Variants in DLGAP3 observed in about 807,000 individuals in gnomAD.
DLGAP3 encodes disks large-associated protein 3.
Under a neutral mutation model 81.2 loss-of-function variants are expected in DLGAP3, and 17 were observed. The ratio of observed to expected loss-of-function variants is 0.21; its 90% CI spans 0.14 to 0.31. DLGAP3 has a LOEUF of 0.31. Among genes scored for constraint, DLGAP3 ranks in the 10% least tolerant of loss-of-function variants. The pLI is 1.00. For synonymous variants in DLGAP3, 577 were observed against 587.4 expected (o/e 0.98, Z 0.26); for missense variants, 1,124 against 1,388.0 (o/e 0.81, Z 3.02).
In DLGAP3 at chr1:34,900,805, G is replaced by A. The variant is rs542581443; in HGVS notation, c.1108-532C>T. ...GGAGCAGGGCAGAGGCTCAAGTGGC[G>A]AGAGGACGACCAATTAGGAGGCTGA... On this transcript the variant is annotated intron_variant, in intron 3 of 11. Coordinates refer to ENST00000373347, the MANE Select transcript of DLGAP3 (RefSeq NM_001080418.3). The surrounding 1 kb of genome is among the most constrained non-coding windows in gnomAD (Gnocchi z 5.6). Among the ~76,000 whole-genome samples, 3 of 152,296 alleles carry A rather than the reference G, an allele frequency of 2.0e-5. No individual in the cohort carries two copies. Among genetic ancestry groups the A allele is most frequent in the Admixed American group, 6.5e-5 (1 of 15,306 alleles).
chr1:34,901,188 C>T (rs995633595), intron 3 of DLGAP3, among the ~76,000 whole-genome samples: 2 of 151,836 alleles, frequency 1.3e-5, no homozygotes, highest in African/African-American at 2.4e-5. Flanking sequence ...GAGTCATGGG[C>T]GGCAGCTGAA....
intron 8 of DLGAP3, among the ~76,000 whole-genome samples, chr1:34,882,673 T>C (rs188626150): frequency 6.6e-6 from 1 of 152,272 alleles, no homozygotes; most frequent in African/African-American, 2.4e-5. Context: ...ATTGCTTTCT[T>C]CAAATTCATT....
intron 5 of DLGAP3, among the ~76,000 whole-genome samples, chr1:34,887,530 A>G (rs1452951463): frequency 3.9e-5 from 6 of 152,206 alleles, no homozygotes; most frequent in Non-Finnish European, 5.9e-5. Context: ...TTCACATTAC[A>G]AGAGAGAACT....
intron 8 of DLGAP3, among the ~76,000 whole-genome samples, chr1:34,878,865 T>C (rs1378389359): frequency 2.0e-5 from 3 of 151,944 alleles, no homozygotes; most frequent in African/African-American, 4.8e-5. Flanking sequence ...GGTCAGAAGA[T>C]GGAGACCATC....
chr1:34,875,229 G>A (rs543397393), intron 8 of DLGAP3, among the ~76,000 whole-genome samples: 36 of 152,300 alleles, frequency 2.4e-4, no homozygotes, highest in African/African-American at 8.2e-4. Flanking sequence ...AACTCCCAAA[G>A]CTAGAAATGA....
chr1:34,924,892 G>C (rs958396383), intron 1 of DLGAP3, among the ~76,000 whole-genome samples: 1 of 152,158 alleles, frequency 6.6e-6, no homozygotes, highest in African/African-American at 2.4e-5. Flanking sequence ...TTGGAAAGTG[G>C]GTCATCTGGG....
Position 34,886,180 on chromosome 1 carries a change from T to A in DLGAP3, c.1492A>T (p.Met498Leu). Residue 498 changes from methionine to leucine, a missense_variant, in exon 6 of 12, where the codon ATG (methionine) becomes TTG (leucine). Met to Leu is a conservative substitution (Grantham distance 15). Around this residue, in one of 9 missense-constraint regions of DLGAP3, gnomAD observed 357 missense variants for 408.8 expected, o/e 0.87. Transcript: ENST00000373347. ...GCCCGGAGGTAGCTGTGGCTCCGCATGCGGAAACAGCCGGGCAGGTCCAGG... is the reference window on the plus strand; with the variant it reads ...GCCCGGAGGTAGCTGTGGCTCCGCAAGCGGAAACAGCCGGGCAGGTCCAGG... ...DALDLPGCFR[M>L]RSHSYLRAIQ... is the part of the protein sequence containing the mutation. 6.2e-7 allele frequency: 1 copy of A among 1,611,204 alleles called. No homozygotes were observed. Among genetic ancestry groups the A allele is most frequent in the Non-Finnish European group, 8.5e-7 (1 of 1,179,314 alleles).
At chr1:34,876,098 A>G (rs948718794) in intron 8 of DLGAP3, among the ~76,000 whole-genome samples, 4 of 152,236 alleles carry the variant, frequency 2.6e-5, no homozygotes, top group Non-Finnish European at 5.9e-5. Flanking sequence ...TGCCCAGCAC[A>G]GTGTTTGGCA....
At chr1:34,925,697 C>G (rs1008867092) in intron 1 of DLGAP3, among the ~76,000 whole-genome samples, 26 of 152,192 alleles carry the variant, frequency 1.7e-4, no homozygotes, top group African/African-American at 4.8e-4. Context: ...AAAGAACAGA[C>G]AGTGAGGGGG....
Position 34,904,159 on chromosome 1 carries a change from C to G in DLGAP3, c.1107+118G>C. 1 of 1,279,874 alleles carries G rather than the reference C, an allele frequency of 7.8e-7. No individual in the cohort carries two copies. The allele number at this position is 1,279,874 out of a possible 1,614,324, so 79.3% of individuals were successfully genotyped here. A position where few individuals can be genotyped will look rare whatever the true frequency, so the allele number is the denominator to read the frequency against. The stretch of plus-strand genomic sequence containing the variant: ...AATGGGGCAGGGCAGAGCCTCCCTA[C>G]ACCCAGGCCCTCCATCACAGGGACA... On this transcript the variant is annotated intron_variant, in intron 3 of 11. Coordinates refer to ENST00000373347, the MANE Select transcript of DLGAP3 (RefSeq NM_001080418.3). This position sits in a 1 kb window ranked among gnomAD's most constrained non-coding sequence, Gnocchi z 8.1.
Position 34,904,537 on chromosome 1 carries a change from G to T in DLGAP3, c.847C>A (p.Pro283Thr). 6.2e-7 allele frequency: 1 copy of T among 1,614,160 alleles called. No homozygotes were observed. Among genetic ancestry groups the T allele is most frequent in the South Asian group, 1.1e-5 (1 of 91,084 alleles). ...FLAGGRPPGE[P>T]GGPFCLEGPD... is the part of the protein sequence containing the mutation. ...CCCTCCAGGCAGAAGGGACCACCAG[G>T]CTCCCCAGGGGGCCTCCCACCCGCC... The change falls in exon 3 of 12, where the codon CCT (proline) becomes ACT (threonine). Residue 283 changes from proline to threonine, a missense_variant. Coordinates refer to ENST00000373347, the MANE Select transcript of DLGAP3 (RefSeq NM_001080418.3). The surrounding 1 kb of genome is among the most constrained non-coding windows in gnomAD (Gnocchi z 8.1).
At chr1:34,923,842 G>A (rs1557508225) in intron 1 of DLGAP3, among the ~76,000 whole-genome samples, 1 of 152,100 alleles carries the variant, frequency 6.6e-6, no homozygotes, top group Non-Finnish European at 1.5e-5. Flanking sequence ...TGTGGGAAGG[G>A]ATCAACTGGT....
At chr1:34,913,371 C>T (rs1232829221) in intron 1 of DLGAP3, among the ~76,000 whole-genome samples, 4 of 152,096 alleles carry the variant, frequency 2.6e-5, no homozygotes, top group Admixed American at 2.6e-4. Context: ...CTTTGAAAAT[C>T]CCACCTCAGG....
chr1:34,920,587 G>T (rs1158709417), intron 1 of DLGAP3, among the ~76,000 whole-genome samples: 1 of 152,166 alleles, frequency 6.6e-6, no homozygotes, highest in Non-Finnish European at 1.5e-5. Context: ...CACTCCCACT[G>T]CTGGTGTTCT....
At chr1:34,916,723 G>T (rs1639723481) in intron 1 of DLGAP3, among the ~76,000 whole-genome samples, 1 of 150,464 alleles carries the variant, frequency 6.6e-6, no homozygotes. Flanking sequence ...TAGAGACAGA[G>T]ACTCGCTCTG....
At chr1:34,906,355 C>T in intron 2 of DLGAP3, among the ~76,000 whole-genome samples, 1 of 151,934 alleles carries the variant, frequency 6.6e-6, no homozygotes, top group East Asian at 1.9e-4. Flanking sequence ...GTTGCAAGAG[C>T]CAGGCCTCAG....
At chr1:34,924,574 G>A (rs1431378425) in intron 1 of DLGAP3, among the ~76,000 whole-genome samples, 3 of 152,120 alleles carry the variant, frequency 2.0e-5, no homozygotes, top group Non-Finnish European at 4.4e-5. Flanking sequence ...CAGGAAGACC[G>A]GCGTTCTCTT....
rs55921441 is a variant in DLGAP3 at position 34,895,886 on chromosome 1, A to G, written c.1386+3783T>C. Among the ~76,000 whole-genome samples the G allele has an allele frequency of 0.25, 38,162 of 151,832 alleles. 5,573 individuals are homozygous for G. Among genetic ancestry groups the G allele is most frequent in the Non-Finnish European group, 0.34 (23,297 of 67,940 alleles). On this transcript the variant is annotated intron_variant, in intron 5 of 11. Coordinates refer to ENST00000373347, the MANE Select transcript of DLGAP3 (RefSeq NM_001080418.3). The surrounding 1 kb of genome is among the most constrained non-coding windows in gnomAD (Gnocchi z 4.5). ...AAATTGGATATCCGCATTCAAAAACATAAAGCTGGACCCCTAACTTGAATC... is the reference window on the plus strand; with the variant it reads ...AAATTGGATATCCGCATTCAAAAACGTAAAGCTGGACCCCTAACTTGAATC...
chr1:34,904,233 G>T lies in DLGAP3; in HGVS notation c.1107+44C>A. ...CACTGCTCCCTAGTTGACAAGACTG[G>T]TGAAGGCTAAGGACTCTGTTCCCCA... is the stretch of plus-strand genomic sequence containing the variant. On this transcript the variant is annotated intron_variant, in intron 3 of 11. Coordinates refer to ENST00000373347, the MANE Select transcript of DLGAP3 (RefSeq NM_001080418.3). This position sits in a 1 kb window ranked among gnomAD's most constrained non-coding sequence, Gnocchi z 8.1. 1 of 1,598,646 alleles carries T rather than the reference G, an allele frequency of 6.3e-7. No individual in the cohort carries two copies. The highest frequency in any genetic ancestry group is 8.5e-7 in the Non-Finnish European group (1 of 1,179,252).
Sources: allele counts gnomAD v4.1 joint callset (sites outside exome capture counted in the v4.1 genomes callset), GRCh38; gene constraint gnomAD v4.1.1; regional missense constraint gnomAD v4.1.1; non-coding constraint Gnocchi (gnomAD v3.1); transcripts MANE v1.5; gene names NCBI Gene and HGNC (gene_info 2026-07-23, HGNC 2026-07-21).